The following ADAM9 variants were observed in gnomAD, a reference collection of about 807,000 sequenced individuals.
ADAM9 encodes the protein ADAM metallopeptidase domain 9.
In ADAM9, 54 loss-of-function variants were observed where a neutral mutation model predicts 108.1. The ratio of observed to expected loss-of-function variants is 0.50; its 90% CI spans 0.40 to 0.63. The LOEUF is 0.63. Among genes scored for constraint, ADAM9 ranks in the 20% least tolerant of loss-of-function variants. The pLI, the probability that ADAM9 is intolerant of heterozygous loss-of-function variation, is 0.00. For synonymous variants in ADAM9, 316 were observed against 336.0 expected, an observed-to-expected ratio of 0.94 and a Z score of 0.65; for missense variants, 830 against 997.7, an observed-to-expected ratio of 0.83 and a Z score of 2.26.
intron 11 of ADAM9, among the ~76,000 whole-genome samples, chr8:39,036,792 A>G (rs943015869): frequency 1.4e-4 from 21 of 152,116 alleles, no homozygotes; most frequent in African/African-American, 4.8e-4. Flanking sequence ...ACTATCTCCC[A>G]TCTGTTAAAA....
Position 38,999,429 on chromosome 8 carries a change from G to A in ADAM9, c.97+2269G>A, listed in dbSNP as rs561754976. Among the ~76,000 whole-genome samples the A allele has an allele frequency of 4.6e-5, 7 of 151,932 alleles. No individual in the cohort carries two copies. In the South Asian group the frequency reaches 1.2e-3, roughly 27 times the overall value. On this transcript the variant is annotated intron_variant, in intron 1 of 21. Coordinates refer to ENST00000487273, the MANE Select transcript of ADAM9 (RefSeq NM_003816.3). ...TCTGATTTTCTAAGGTAGTAATTAT[G>A]AGGAACAGATTTAGAATTTTTTTTT... is the stretch of plus-strand genomic sequence containing the variant.
chr8:39,054,164 A>T (rs1019087561), intron 12 of ADAM9, among the ~76,000 whole-genome samples: 1 of 152,162 alleles, frequency 6.6e-6, no homozygotes, highest in Admixed American at 6.5e-5. Context: ...AGGAACCTTG[A>T]TCTTGGATTT....
rs1315230173 is a variant in ADAM9, at chr8:39,036,967, A to C, written c.1131-4979A>C. The stretch of plus-strand genomic sequence containing the variant: ...ACCAGATAATGAGCTTATTTAAAAA[A>C]TAACTTGTTTAGAGGTGGTAGACTT... On this transcript the variant is annotated intron_variant, in intron 11 of 21. Coordinates refer to ENST00000487273, the MANE Select transcript of ADAM9 (RefSeq NM_003816.3). Among the ~76,000 whole-genome samples, 6 of 152,238 alleles carry C rather than the reference A, an allele frequency of 3.9e-5. No individual in the cohort carries two copies. The East Asian group carries it at 1.2e-3, about 29-fold the overall frequency.
In ADAM9 at chr8:39,017,543, C is replaced by G. The variant is rs868224229; in HGVS notation, c.606+129C>G. The G allele has an allele frequency of 1.6e-4, 138 of 876,780 alleles. No homozygotes were observed. The African/African-American group carries it at 2.2e-3, about 14-fold the overall frequency. The allele number at this position is 876,780 out of a possible 1,614,324, so 54.3% of individuals were successfully genotyped here. A position where few individuals can be genotyped will look rare whatever the true frequency, so the allele number is the denominator to read the frequency against. On this transcript the variant is annotated intron_variant, in intron 6 of 21. Transcript: ENST00000487273. ...TTAATTTTGCCAAATATATGCCAGA[C>G]ATTGTGATAGGTACTAGGGGATGAA...
chr8:39,020,982 A>G (rs531433998), intron 7 of ADAM9, among the ~76,000 whole-genome samples: 66 of 152,310 alleles, frequency 4.3e-4, no homozygotes, highest in African/African-American at 1.5e-3. Flanking sequence ...TCTTTTATCT[A>G]TGCATTTTGA....
chr8:39,049,674 A>G (rs1243207125), intron 12 of ADAM9, among the ~76,000 whole-genome samples: 2 of 152,142 alleles, frequency 1.3e-5, no homozygotes, highest in Non-Finnish European at 2.9e-5. Context: ...CCTGACCTCA[A>G]GTGATCTGCC....
chr8:39,040,810 T>TA (rs1166044952), intron 11 of ADAM9, among the ~76,000 whole-genome samples: 2 of 152,258 alleles, frequency 1.3e-5, no homozygotes, highest in African/African-American at 2.4e-5. Context: ...TGTAGTCAAT[T>TA]AATTTTTGAC....
chr8:39,028,505 T>C lies in ADAM9; in HGVS notation c.1130+1695T>C, dbSNP rs1360777630. Among the ~76,000 whole-genome samples, 5 of 152,170 alleles carry C rather than the reference T, an allele frequency of 3.3e-5. 1 individual carries two copies. Among genetic ancestry groups the C allele is most frequent in the Admixed American group, 3.3e-4 (5 of 15,272 alleles). ...GTTCAGGGAAACAAGAAATGTGTAA[T>C]GAGCAATGAGATAAGTCATAGATTA... On this transcript the variant is annotated intron_variant, in intron 11 of 21. Coordinates refer to ENST00000487273, the MANE Select transcript of ADAM9 (RefSeq NM_003816.3).
chr8:39,103,503 G>A, intron 21 of ADAM9, 104 bp from the exon 22 acceptor site: 2 of 1,117,104 alleles, frequency 1.8e-6, no homozygotes, highest in Non-Finnish European at 2.7e-6. Context: ...ACCCTTTCCT[G>A]TTGTCAGAGA....
At chr8:39,035,614 C>T (rs1478844260) in intron 11 of ADAM9, among the ~76,000 whole-genome samples, 10 of 151,982 alleles carry the variant, frequency 6.6e-5, no homozygotes, top group African/African-American at 1.5e-4. Context: ...GTCAGGAGAT[C>T]GAGACCATCC....
At chr8:39,069,301 A>G (rs1190869360) in intron 14 of ADAM9, among the ~76,000 whole-genome samples, 1 of 151,998 alleles carries the variant, frequency 6.6e-6, no homozygotes, top group East Asian at 1.9e-4. Context: ...AAATACGTGC[A>G]TGTATTCAGA....
intron 18 of ADAM9, among the ~76,000 whole-genome samples, chr8:39,086,350 A>C (rs770315210): frequency 3.3e-5 from 5 of 151,842 alleles, no homozygotes; most frequent in Admixed American, 2.6e-4. Context: ...CTTATTCTCC[A>C]TGTTTAATTT....
At position 38,997,155 on chromosome 8, in the gene ADAM9, G is replaced by A. The variant is rs745797513; in HGVS notation, c.92G>A (p.Arg31Gln). ...GLVGPVLGAA[R>Q]PGFQQTSHLS... ...GTGGGCCCAGTCCTCGGTGCGGCGC[G>A]GCCAGGTGGGTGTCCGCGCCCCGGG... The change falls in exon 1 of 22, where the codon CGG (arginine) becomes CAG (glutamine). Residue 31 changes from arginine (R) to glutamine (Q), a missense_variant. Arg to Gln is a conservative substitution (Grantham distance 43). Transcript: ENST00000487273. The A allele has an allele frequency of 5.6e-6, 9 of 1,598,476 alleles. No individual in the cohort carries two copies. In the Middle Eastern group the frequency reaches 5.0e-4, roughly 88 times the overall value.
At chr8:39,016,788 T>C (rs780291882) in intron 5 of ADAM9, among the ~76,000 whole-genome samples, 1 of 152,224 alleles carries the variant, frequency 6.6e-6, no homozygotes, top group Admixed American at 6.5e-5. Flanking sequence ...CCAGGCAATA[T>C]GTTCCGTGTG....
chr8:39,045,510 G>A (rs11777149), intron 12 of ADAM9, among the ~76,000 whole-genome samples: 9,315 of 64,804 alleles, frequency 0.14, 479 homozygotes, highest in Admixed American at 0.19. Context: ...ATATGTGTGT[G>A]TACATACATA....
intron 21 of ADAM9, 104 bp from the exon 22 acceptor site, chr8:39,103,503 G>C (rs1839764178): frequency 9.0e-7 from 1 of 1,116,986 alleles, no homozygotes; most frequent in African/African-American, 1.5e-5. Context: ...ACCCTTTCCT[G>C]TTGTCAGAGA....
intron 11 of ADAM9, among the ~76,000 whole-genome samples, chr8:39,029,305 C>A (rs1837027649): frequency 6.6e-6 from 1 of 151,712 alleles, no homozygotes; most frequent in Non-Finnish European, 1.5e-5. Context: ...ATACTGATAA[C>A]ATGAGGTAGA....
At chr8:39,038,081 G>A (rs1837342031) in intron 11 of ADAM9, among the ~76,000 whole-genome samples, 1 of 152,094 alleles carries the variant, frequency 6.6e-6, no homozygotes, top group Non-Finnish European at 1.5e-5. Flanking sequence ...ACTTCTTACA[G>A]CTCCCACTGT....
chr8:39,054,376 A>G (rs1295080736), intron 12 of ADAM9, 105 bp from the exon 13 acceptor site: 23 of 1,011,606 alleles, frequency 2.3e-5, no homozygotes, highest in African/African-American at 8.0e-5. Context: ...AACTGCTACA[A>G]TCATGTTAGA....
Sources: gnomAD v4.1 joint callset for allele counts (sites outside exome capture counted in the v4.1 genomes callset) on GRCh38, gnomAD v4.1.1 for gene constraint, MANE v1.5 for transcripts, NCBI Gene and HGNC (gene_info 2026-07-23, HGNC 2026-07-21) for gene names.